Variants in ETV6 observed in about 807,000 individuals in gnomAD.
ETV6 encodes ETS variant transcription factor 6, also known as transcription factor ETV6.
ETV6 carries 16 observed loss-of-function variants against 51.1 expected under a neutral mutation model. That is an observed-to-expected ratio of 0.31 (90% CI 0.21 to 0.48). The LOEUF (loss-of-function observed/expected upper bound fraction) is 0.48, where lower values mean the gene tolerates loss of function less well. Ranked by LOEUF, ETV6 falls within the 20% of genes least tolerant of loss-of-function variation. ETV6 has a pLI of 0.99. For synonymous variants in ETV6, 240 were observed against 224.1 expected, an observed-to-expected ratio of 1.07 and a Z score of -0.64; for missense variants, 458 against 594.8, an observed-to-expected ratio of 0.77 and a Z score of 2.39.
chr12:11,781,187 C>A (rs563460184), intron 2 of ETV6, among the ~76,000 whole-genome samples: 2 of 152,142 alleles, frequency 1.3e-5, no homozygotes, highest in Non-Finnish European at 2.9e-5. Flanking sequence ...TCATAAAGAT[C>A]GATGAGTCTA....
chr12:11,857,887 A>G (rs1274820484), intron 4 of ETV6, among the ~76,000 whole-genome samples: 2 of 152,192 alleles, frequency 1.3e-5, no homozygotes, highest in Non-Finnish European at 2.9e-5. Context: ...TCCCCACATT[A>G]CGTCCAAGGA....
At chr12:11,827,910 A>T (rs1436884365) in intron 2 of ETV6, among the ~76,000 whole-genome samples, 2 of 152,218 alleles carry the variant, frequency 1.3e-5, no homozygotes, top group African/African-American at 4.8e-5. Context: ...ATGTTCTGTG[A>T]ATCATGCAAA....
intron 1 of ETV6, among the ~76,000 whole-genome samples, chr12:11,750,079 C>T (rs983008222): frequency 6.6e-6 from 1 of 152,216 alleles, no homozygotes; most frequent in Non-Finnish European, 1.5e-5. Flanking sequence ...TAGCAGTTGT[C>T]TCCATCTAAA....
chr12:11,748,342 A>G (rs1391948845), intron 1 of ETV6, among the ~76,000 whole-genome samples: 2 of 152,230 alleles, frequency 1.3e-5, no homozygotes, highest in African/African-American at 4.8e-5. Flanking sequence ...TTTCTATATC[A>G]AGGACATCTC....
At chr12:11,776,972 C>A (rs1418718078) in intron 2 of ETV6, among the ~76,000 whole-genome samples, 2 of 152,228 alleles carry the variant, frequency 1.3e-5, no homozygotes, top group Non-Finnish European at 2.9e-5. Context: ...GGCGCAGTGG[C>A]TCACGCCTGT....
At position 11,814,474 on chromosome 12, in the gene ETV6, T is replaced by C. The variant is rs190522580; in HGVS notation, c.164-24666T>C. On this transcript the variant is annotated intron_variant, in intron 2 of 7. Coordinates refer to ENST00000396373, the MANE Select transcript of ETV6 (RefSeq NM_001987.5). ...GCAGACATGAAAGATCATAAATGTG[T>C]TCACCAAAGTGAGTGTGAGACAGAT... Among the ~76,000 whole-genome samples the C allele has an allele frequency of 1.6e-3, 244 of 152,332 alleles. 1 individual carries two copies. Among genetic ancestry groups the C allele is most frequent in the Middle Eastern group, 6.8e-3 (2 of 294 alleles).
intron 1 of ETV6, among the ~76,000 whole-genome samples, chr12:11,667,867 A>T (rs1302040843): frequency 6.7e-6 from 1 of 149,984 alleles, no homozygotes; most frequent in African/African-American, 2.5e-5. Flanking sequence ...ACGCCCAGCT[A>T]AATTTTGTAT....
intron 4 of ETV6, among the ~76,000 whole-genome samples, chr12:11,855,627 C>T (rs1410398949): frequency 6.6e-6 from 1 of 152,190 alleles, no homozygotes; most frequent in Admixed American, 6.5e-5. Context: ...TCCTAATTAA[C>T]ACTTCACAAA....
At chr12:11,802,349 C>T (rs1945763543) in intron 2 of ETV6, among the ~76,000 whole-genome samples, 1 of 152,154 alleles carries the variant, frequency 6.6e-6, no homozygotes, top group Admixed American at 6.5e-5. Context: ...AGATTTATAA[C>T]GAGAATGGTA....
chr12:11,824,651 T>C (rs1037602187), intron 2 of ETV6, among the ~76,000 whole-genome samples: 2 of 152,144 alleles, frequency 1.3e-5, no homozygotes, highest in Non-Finnish European at 2.9e-5. Context: ...TGGTGATGCA[T>C]GCCTGTAATC....
chr12:11,735,086 CTTT>C (rs58797937), intron 1 of ETV6, among the ~76,000 whole-genome samples: 3 of 76,240 alleles, frequency 3.9e-5, no homozygotes, highest in South Asian at 6.4e-4. Flanking sequence ...GCAAGGTGGC[CTTT>C]TTTTTTTTTT....
At chr12:11,811,176 G>C (rs1014024014) in intron 2 of ETV6, among the ~76,000 whole-genome samples, 3 of 152,108 alleles carry the variant, frequency 2.0e-5, no homozygotes, top group African/African-American at 7.2e-5. Context: ...GCCTCAACCA[G>C]TCTTTCTGCT....
chr12:11,752,805 T>C (rs2121070048), intron 2 of ETV6: 1 of 420,642 alleles, frequency 2.4e-6, no homozygotes, highest in East Asian at 3.6e-5. Context: ...GACTATGACA[T>C]GTTAAAAAAA....
At chr12:11,733,420 A>AT (rs1865640732) in intron 1 of ETV6, among the ~76,000 whole-genome samples, 1 of 150,414 alleles carries the variant, frequency 6.6e-6, no homozygotes, top group East Asian at 1.9e-4. Flanking sequence ...AAAAAAAAAA[A>AT]AAAAAAAAAA....
At chr12:11,723,591 C>T (rs954200435) in intron 1 of ETV6, among the ~76,000 whole-genome samples, 1 of 152,056 alleles carries the variant, frequency 6.6e-6, no homozygotes, top group Non-Finnish European at 1.5e-5. Context: ...GCGTGGTACC[C>T]GGCACATAGT....
At chr12:11,717,690 A>G (rs761107079) in intron 1 of ETV6, among the ~76,000 whole-genome samples, 1 of 152,224 alleles carries the variant, frequency 6.6e-6, no homozygotes, top group Non-Finnish European at 1.5e-5. Context: ...TTGAAAACGC[A>G]TGAGAATGCT....
intron 1 of ETV6, among the ~76,000 whole-genome samples, chr12:11,667,551 TAA>T (rs1864217996): frequency 6.6e-6 from 1 of 151,768 alleles, no homozygotes; most frequent in Non-Finnish European, 1.5e-5. Flanking sequence ...TTTTTTTTTT[TAA>T]ATGGGGACTT....
At chr12:11,700,878 G>A (rs912515686) in intron 1 of ETV6, among the ~76,000 whole-genome samples, 2 of 152,048 alleles carry the variant, frequency 1.3e-5, no homozygotes, top group Non-Finnish European at 2.9e-5. Flanking sequence ...GTGGACACAC[G>A]CAGCTCAAAC....
At chr12:11,703,062 G>A (rs1328191327) in intron 1 of ETV6, among the ~76,000 whole-genome samples, 1 of 152,192 alleles carries the variant, frequency 6.6e-6, no homozygotes, top group East Asian at 1.9e-4. Flanking sequence ...AGTCAAGATC[G>A]TGCCACTGCA....
Sources: allele counts gnomAD v4.1 joint callset (sites outside exome capture counted in the v4.1 genomes callset), GRCh38; gene constraint gnomAD v4.1.1; transcripts MANE v1.5; gene names NCBI Gene and HGNC (gene_info 2026-07-23, HGNC 2026-07-21).